SSX3: variants seen among roughly 807,000 people sequenced by gnomAD.
SSX3 encodes SSX family member 3.
In SSX3, 6 loss-of-function variants were observed where a neutral mutation model predicts 14.8. That is an observed-to-expected ratio of 0.41 (90% CI 0.22 to 0.80). The LOEUF (loss-of-function observed/expected upper bound fraction) is 0.80. Ranked by LOEUF, SSX3 falls within the 30% of genes least tolerant of loss-of-function variation. SSX3 has a pLI of 0.34. For synonymous variants in SSX3, 55 were observed against 52.9 expected (o/e 1.04, Z -0.18); for missense variants, 163 against 152.2 (o/e 1.07, Z -0.37).
intron 2 of SSX3, 87 bp from the exon 3 acceptor site, chrX:48,354,833 C>G: frequency 8.4e-7 from 1 of 1,187,791 alleles, no homozygotes; most frequent in Non-Finnish European, 1.1e-6. Flanking sequence ...TGTGCTGGAT[C>G]TGGGAAGTGG....
chrX:48,350,771 CTT>C (rs374614128), intron 5 of SSX3, among the ~76,000 whole-genome samples: 7 of 96,357 alleles, frequency 7.3e-5, no homozygotes, highest in Non-Finnish European at 8.4e-5. Flanking sequence ...CTTTCTTTTT[CTT>C]TTTTTTTTTT....
rs781931210 is a variant in SSX3, at chrX:48,354,030, A to C, written c.249T>G (p.Asp83Glu). 28 of 1,207,363 alleles carry C rather than the reference A, an allele frequency of 2.3e-5. No individual in the cohort carries two copies. The highest frequency in any genetic ancestry group is 2.3e-4 in the Middle Eastern group (1 of 4,346). ...TCCCACGGTTAGGGTCATTATCAAA[A>C]TCATTCCCCTGGAAGTCTGTGACCC... ...NKRVTDFQGNDFDNDPNRGNQ... is the reference protein window; with the variant it reads ...NKRVTDFQGNEFDNDPNRGNQ... Residue 83 changes from aspartate (D) to glutamate (E), a missense_variant, in exon 4 of 8, where the codon GAT (aspartate) becomes GAG (glutamate). Coordinates refer to ENST00000298396, the MANE Select transcript of SSX3 (RefSeq NM_021014.4).
intron 5 of SSX3, 102 bp from the exon 6 acceptor site, chrX:48,350,224 T>C: frequency 1.8e-6 from 2 of 1,112,425 alleles, no homozygotes; most frequent in Non-Finnish European, 2.4e-6. Context: ...TTCAATGTTC[T>C]CAACAACACT....
chrX:48,354,220 G>C (rs2146668605), intron 3 of SSX3, 126 bp from the exon 4 acceptor site: 2 of 595,201 alleles, frequency 3.4e-6, no homozygotes, highest in Non-Finnish European at 2.8e-6. Flanking sequence ...GGAATTCAAG[G>C]CTGCAGTAAG....
In SSX3 at chrX:48,346,735, C is replaced by A. The variant is rs1226640987; in HGVS notation, c.*305G>T. 9.4e-6 allele frequency: 4 copies of A among 425,505 alleles called. No homozygotes were observed. Among genetic ancestry groups the A allele is most frequent in the Admixed American group, 3.7e-5 (1 of 26,820 alleles). The allele number at this position is 425,505 out of a possible 1,213,427, so 35.1% of individuals were successfully genotyped here. A position where few individuals can be genotyped will look rare whatever the true frequency, so the allele number is the denominator to read the frequency against. ...TGCTGTTCCATGCAGAGGTAACTGACAATACTTGTTTTCTAAGGTAGGTGC... is the reference window on the plus strand; with the variant it reads ...TGCTGTTCCATGCAGAGGTAACTGAAAATACTTGTTTTCTAAGGTAGGTGC... On this transcript the variant is annotated 3_prime_UTR_variant, in exon 8 of 8. Coordinates refer to ENST00000298396, the MANE Select transcript of SSX3 (RefSeq NM_021014.4).
At chrX:48,351,065 T>G (rs2061260777) in intron 5 of SSX3, among the ~76,000 whole-genome samples, 1 of 111,218 alleles carries the variant, frequency 9.0e-6, no homozygotes, top group African/African-American at 3.3e-5. Context: ...CACCGCGCCC[T>G]GATCTTAAGC....
rs781948957 is a variant in SSX3, at chrX:48,347,618, T to C, written c.467-14A>G. 47 of 1,207,494 alleles carry C rather than the reference T, an allele frequency of 3.9e-5. No homozygotes were observed. Among genetic ancestry groups the C allele is most frequent in the Middle Eastern group, 3.2e-4 (1 of 3,128 alleles). On this transcript the variant is annotated splice_polypyrimidine_tract_variant and intron_variant, in intron 6 of 7. Transcript: ENST00000298396. ...CCCTTTTGGGTCCTATGATGGAGAA[T>C]AGTTGGAAAGTGAGGGTTGGGTAGG...
At chrX:48,348,599 C>T (rs781789224) in intron 6 of SSX3, among the ~76,000 whole-genome samples, 6 of 112,446 alleles carry the variant, frequency 5.3e-5, no homozygotes, top group Non-Finnish European at 9.4e-5. Context: ...AAAGCCAAGA[C>T]AGGCTGAAAG....
At chrX:48,352,010 G>A in intron 5 of SSX3, 90 bp downstream of exon 5, 6 of 1,084,207 alleles carry the variant, frequency 5.5e-6, no homozygotes, top group Non-Finnish European at 7.7e-6. Context: ...AGGCAGTGAG[G>A]GCATTGTTGA....
At chrX:48,352,789 T>TGTA (rs1489538911) in intron 4 of SSX3, among the ~76,000 whole-genome samples, 1 of 111,904 alleles carries the variant, frequency 8.9e-6, no homozygotes, top group Middle Eastern at 4.2e-3. Flanking sequence ...AGTAAATACA[T>TGTA]ATGTCCCCTT....
chrX:48,356,219 A>T (rs1228444248), intron 1 of SSX3, among the ~76,000 whole-genome samples: 3 of 111,388 alleles, frequency 2.7e-5, no homozygotes, highest in African/African-American at 9.8e-5. Context: ...GGCCTAGGTG[A>T]GAAGATCACT....
At position 48,355,261 on chromosome X, in the gene SSX3, T is replaced by C. The variant is rs2061281788; in HGVS notation, c.-12A>G. The stretch of plus-strand genomic sequence containing the variant: ...TCATCTCCGTTCATGGCACAGGGAG[T>C]AGTCTGACCTGCAAGAGAAACAGAT... On this transcript the variant is annotated 5_prime_UTR_variant, in exon 2 of 8. Transcript: ENST00000298396. 8.3e-7 allele frequency: 1 copy of C among 1,206,334 alleles called. No individual in the cohort carries two copies. The highest frequency in any genetic ancestry group is 1.8e-5 in the South Asian group (1 of 56,550).
chrX:48,349,459 T>C (rs1212381715), intron 6 of SSX3: 7 of 1,092,306 alleles, frequency 6.4e-6, no homozygotes, highest in African/African-American at 1.8e-5. Context: ...CATAATGCTA[T>C]TGCACACTTA....
chrX:48,346,839 C>A lies in SSX3; in HGVS notation c.*201G>T. ...TGTTAATATCTAACAGAATGACACA[C>A]TTCAAGAAAATACAATGGAAACGCT... On this transcript the variant is annotated 3_prime_UTR_variant, in exon 8 of 8. Coordinates refer to ENST00000298396, the MANE Select transcript of SSX3 (RefSeq NM_021014.4). The A allele has an allele frequency of 1.4e-6, 1 of 692,554 alleles. No individual in the cohort carries two copies. Among genetic ancestry groups the A allele is most frequent in the Non-Finnish European group, 2.2e-6 (1 of 456,596 alleles). The allele number at this position is 692,554 out of a possible 1,213,427, so 57.1% of individuals were successfully genotyped here. A position where few individuals can be genotyped will look rare whatever the true frequency, so the allele number is the denominator to read the frequency against.
chrX:48,352,579 C>G (rs1388841921), intron 4 of SSX3, among the ~76,000 whole-genome samples: 2 of 112,372 alleles, frequency 1.8e-5, no homozygotes, highest in Non-Finnish European at 1.9e-5. Context: ...TCCAGTGGCT[C>G]TGAAAGATTT....
In SSX3 at chrX:48,347,048, G is replaced by A; in HGVS notation, c.*5-13C>T. 1 of 1,198,309 alleles carries A rather than the reference G, an allele frequency of 8.3e-7. No individual in the cohort carries two copies. The highest frequency in any genetic ancestry group is 1.1e-6 in the Non-Finnish European group (1 of 895,283). ...CATATCCCCAAGGCTGAGGCAAGAA[G>A]AGAGAAGGAAAGTAAGTGGCAGTGA... On this transcript the variant is annotated splice_polypyrimidine_tract_variant and intron_variant, in intron 7 of 7. Transcript: ENST00000298396.
In SSX3 at chrX:48,349,685, A is replaced by T. The variant is rs1236808868; in HGVS notation, c.466+302T>A. On this transcript the variant is annotated intron_variant, in intron 6 of 7. Coordinates refer to ENST00000298396, the MANE Select transcript of SSX3 (RefSeq NM_021014.4). ...CCTTTCATGTCATCAGGCCTTCTAG[A>T]TTAAATTTAATGTCTCCAAACAATT... 53 of 1,161,604 alleles carry T rather than the reference A, an allele frequency of 4.6e-5. No homozygotes were observed. In the South Asian group the frequency reaches 1.1e-3, roughly 23 times the overall value.
chrX:48,355,474 G>T (rs1216654869), intron 1 of SSX3, among the ~76,000 whole-genome samples: 1 of 111,206 alleles, frequency 9.0e-6, no homozygotes, highest in Non-Finnish European at 1.9e-5. Context: ...ATTGATAGGG[G>T]ATGACAGGTT....
At position 48,349,990 on chromosome X, in the gene SSX3, A is replaced by G; in HGVS notation, c.463T>C (p.Ser155Pro). The G allele has an allele frequency of 8.3e-7, 1 of 1,211,105 alleles. No individual in the cohort carries two copies. The highest frequency in any genetic ancestry group is 1.1e-6 in the Non-Finnish European group (1 of 895,378). ...TTCCTGAATTGCTTCCTCTTACCAGATATCATGTTAATCTTCTCAGAGGTA... is the reference window on the plus strand; with the variant it reads ...TTCCTGAATTGCTTCCTCTTACCAGGTATCATGTTAATCTTCTCAGAGGTA... ...PTTSEKINMI[S>P]GPKRGEHAWT... Residue 155 changes from serine (S) to proline (P), a missense_variant, in exon 6 of 8, where the codon TCT becomes CCT. Physicochemically the swap from Ser to Pro is moderately conservative, Grantham distance 74 (BLOSUM62 -1). Coordinates refer to ENST00000298396, the MANE Select transcript of SSX3 (RefSeq NM_021014.4).
Sources: allele counts gnomAD v4.1 joint callset (sites outside exome capture counted in the v4.1 genomes callset), GRCh38; gene constraint gnomAD v4.1.1; transcripts MANE v1.5; gene names NCBI Gene and HGNC (gene_info 2026-07-23, HGNC 2026-07-21).